Variants in CSGALNACT1 observed in about 807,000 individuals in gnomAD.
CSGALNACT1 encodes beta4GalNAcT-1.
In CSGALNACT1, 52 loss-of-function variants were observed where a neutral mutation model predicts 51.0. The observed-to-expected ratio is 1.02, with a 90% CI of 0.82 to 1.29. The LOEUF (loss-of-function observed/expected upper bound fraction) is 1.29. Ranked by LOEUF, CSGALNACT1 falls within the 50% of genes most tolerant of loss-of-function variation. The pLI, the probability that CSGALNACT1 is intolerant of heterozygous loss-of-function variation, is 0.00. For missense variants in CSGALNACT1, 935 were observed against 679.2 expected, an observed-to-expected ratio of 1.38 and a Z score of -4.19; for synonymous variants, 341 against 254.4, an observed-to-expected ratio of 1.34 and a Z score of -3.24.
At chr8:19,600,969 C>A (rs909455006) in intron 2 of CSGALNACT1, among the ~76,000 whole-genome samples, 1 of 151,496 alleles carries the variant, frequency 6.6e-6, no homozygotes, top group Admixed American at 6.6e-5. Flanking sequence ...TATTGAATTA[C>A]TTCTAGAAAA....
At chr8:19,749,423 G>A (rs2064891356) in intron 1 of CSGALNACT1, among the ~76,000 whole-genome samples, 2 of 151,944 alleles carry the variant, frequency 1.3e-5, no homozygotes, top group African/African-American at 4.8e-5. Flanking sequence ...TTCACAGAAG[G>A]GCTGGTTTAT....
chr8:19,635,274 G>T (rs111273071), intron 1 of CSGALNACT1, among the ~76,000 whole-genome samples: 1 of 152,186 alleles, frequency 6.6e-6, no homozygotes, highest in Non-Finnish European at 1.5e-5. Flanking sequence ...GAGTAGGCCC[G>T]TGCAAGGCCA....
intron 3 of CSGALNACT1, among the ~76,000 whole-genome samples, chr8:19,529,138 G>A (rs1363657245): frequency 6.6e-6 from 1 of 152,170 alleles, no homozygotes; most frequent in African/African-American, 2.4e-5. Context: ...AAAGCTCGGT[G>A]AGTTGAGCAA....
chr8:19,425,734 C>T (rs1186968715), intron 6 of CSGALNACT1, among the ~76,000 whole-genome samples: 1 of 152,208 alleles, frequency 6.6e-6, no homozygotes, highest in Admixed American at 6.5e-5. Context: ...CTCGGATAGA[C>T]TGAGCCTTCC....
intron 3 of CSGALNACT1, among the ~76,000 whole-genome samples, chr8:19,559,845 G>A (rs1253620291): frequency 6.6e-6 from 1 of 152,122 alleles, no homozygotes; most frequent in East Asian, 1.9e-4. Flanking sequence ...TCAATACAAT[G>A]CCAATAAAAA....
intron 5 of CSGALNACT1, 128 bp from the exon 5 acceptor site, chr8:19,440,059 G>T (rs530697463): frequency 5.0e-5 from 38 of 762,182 alleles, no homozygotes; most frequent in Non-Finnish European, 8.3e-5. Context: ...GGAGAGCCGA[G>T]ATGGGAATCC....
chr8:19,589,844 C>T (rs576909040), intron 3 of CSGALNACT1, among the ~76,000 whole-genome samples: 1 of 152,182 alleles, frequency 6.6e-6, no homozygotes, highest in South Asian at 2.1e-4. Context: ...GCAGCCAAAT[C>T]ATTAATCCAC....
chr8:19,512,417 G>A (rs909240227), intron 3 of CSGALNACT1, among the ~76,000 whole-genome samples: 1 of 152,166 alleles, frequency 6.6e-6, no homozygotes, highest in Non-Finnish European at 1.5e-5. Context: ...AAGACCTTGT[G>A]AGATAATAAA....
chr8:19,726,325 A>C (rs1361456016), intron 1 of CSGALNACT1, among the ~76,000 whole-genome samples: 1 of 152,176 alleles, frequency 6.6e-6, no homozygotes, highest in Non-Finnish European at 1.5e-5. Flanking sequence ...TGACACAAAA[A>C]ATTGTTAACT....
intron 1 of CSGALNACT1, among the ~76,000 whole-genome samples, chr8:19,677,710 C>G (rs1227053123): frequency 2.0e-5 from 3 of 151,952 alleles, no homozygotes; most frequent in Non-Finnish European, 2.9e-5. Context: ...AAGTAAGAAG[C>G]AGGGTCACCA....
At chr8:19,642,707 G>A (rs2056865320) in intron 1 of CSGALNACT1, among the ~76,000 whole-genome samples, 1 of 151,610 alleles carries the variant, frequency 6.6e-6, no homozygotes, top group Non-Finnish European at 1.5e-5. Flanking sequence ...GATCGTTTGG[G>A]CCCAGGAGAT....
chr8:19,640,110 G>T (rs919172983), intron 1 of CSGALNACT1, among the ~76,000 whole-genome samples: 2 of 151,906 alleles, frequency 1.3e-5, no homozygotes, highest in Non-Finnish European at 2.9e-5. Flanking sequence ...CACCTGGGGG[G>T]AAATAACAAA....
At chr8:19,510,979 C>G (rs1050585474) in intron 3 of CSGALNACT1, among the ~76,000 whole-genome samples, 3 of 152,218 alleles carry the variant, frequency 2.0e-5, no homozygotes, top group African/African-American at 7.2e-5. Context: ...TTTCAGTGAA[C>G]GTTTTGGTCA....
rs1349790407 is a variant in CSGALNACT1 at position 19,666,797 on chromosome 8, AAGAAAGAAAGAAAGAG to A, written c.-544+15660_-544+15675del. Among the ~76,000 whole-genome samples, 32 of 22,074 alleles carry A rather than the reference AAGAAAGAAAGAAAGAG, an allele frequency of 1.4e-3. 1 individual carries two copies. Among genetic ancestry groups the A allele is most frequent in the South Asian group, 9.8e-3 (6 of 610 alleles). 14.5% of individuals were successfully genotyped at this position (22,074 alleles called of 152,430 possible). ...AAAGAAAGAAAGAAAGAAAGAAAGA[AAGAAAGAAAGAAAGAG>A]AGAGAGAGAGAGAGAGAGAGAAAGA... On this transcript the variant is annotated intron_variant, in intron 1 of 9. Transcript: ENST00000332246.
chr8:19,473,849 C>G (rs1475175991), intron 4 of CSGALNACT1, among the ~76,000 whole-genome samples: 1 of 152,094 alleles, frequency 6.6e-6, no homozygotes, highest in Non-Finnish European at 1.5e-5. Flanking sequence ...CCACAGCAAG[C>G]TGAAGATCAA....
intron 1 of CSGALNACT1, among the ~76,000 whole-genome samples, chr8:19,608,084 C>T (rs1199033166): frequency 6.6e-6 from 1 of 152,206 alleles, no homozygotes; most frequent in Non-Finnish European, 1.5e-5. Context: ...ACCATGGTTA[C>T]TTCATTAGCC....
chr8:19,489,637 T>C (rs148894045), intron 4 of CSGALNACT1, among the ~76,000 whole-genome samples: 3 of 152,330 alleles, frequency 2.0e-5, no homozygotes, highest in South Asian at 2.1e-4. Flanking sequence ...GAGACCCTGA[T>C]GAATTAATCG....
intron 1 of CSGALNACT1, among the ~76,000 whole-genome samples, chr8:19,745,731 G>T (rs575579959): frequency 5.3e-5 from 8 of 152,324 alleles, no homozygotes; most frequent in Non-Finnish European, 5.9e-5. Flanking sequence ...TGACTGAAAT[G>T]CCAGGGGGTC....
intron 6 of CSGALNACT1, among the ~76,000 whole-genome samples, chr8:19,427,587 G>C (rs2058969546): frequency 2.6e-5 from 4 of 152,204 alleles, no homozygotes; most frequent in Admixed American, 2.6e-4. Context: ...AGGAGATCGA[G>C]ACCATCCTGG....
Sources: allele counts gnomAD v4.1 joint callset (sites outside exome capture counted in the v4.1 genomes callset), GRCh38; gene constraint gnomAD v4.1.1; transcripts MANE v1.5; gene names NCBI Gene and HGNC (gene_info 2026-07-23, HGNC 2026-07-21).